PCDH15: variants seen among roughly 807,000 people sequenced by gnomAD.
PCDH15 encodes protocadherin-15.
PCDH15 carries 129 observed loss-of-function variants against 178.5 expected under a neutral mutation model. The ratio of observed to expected loss-of-function variants is 0.72; its 90% confidence interval spans 0.63 to 0.84. The LOEUF is 0.84. Ranked by LOEUF, PCDH15 falls within the 40% of genes least tolerant of loss-of-function variation. The pLI is 0.00. For missense variants in PCDH15, 2,230 were observed against 2,099.9 expected (o/e 1.06, Z -1.21); for synonymous variants, 800 against 732.0 (o/e 1.09, Z -1.50).
intron 1 of PCDH15, among the ~76,000 whole-genome samples, chr10:55,313,095 A>C (rs948449183): frequency 4.6e-5 from 7 of 152,136 alleles, no homozygotes; most frequent in African/African-American, 1.7e-4. Flanking sequence ...GTCCCCATAG[A>C]ACTTCTATTT....
At chr10:54,683,936 C>T (rs1456311795) in intron 1 of PCDH15, among the ~76,000 whole-genome samples, 2 of 151,806 alleles carry the variant, frequency 1.3e-5, no homozygotes, top group Non-Finnish European at 2.9e-5. Context: ...TATAGCATAG[C>T]ACAAGACAGA....
rs1407210439 is a variant in PCDH15, at chr10:55,345,509, T to TGAA, written c.-155-178859_-155-178858insTTC. Reference sequence around the variant, plus strand: ...TTGAACTATGGCAATTCCTCCACCCTCTTGTCGGTCCTGTACTCTATAAAT... The same window carrying TGAA: ...TTGAACTATGGCAATTCCTCCACCCTGAACTTGTCGGTCCTGTACTCTATAAAT... On this transcript the variant is annotated intron_variant, in intron 2 of 5. Coordinates refer to the PCDH15 transcript ENST00000613346. Among the ~76,000 whole-genome samples the TGAA allele has an allele frequency of 2.6e-5, 4 of 152,042 alleles. No homozygotes were observed. In the East Asian group the frequency reaches 7.7e-4, roughly 29 times the overall value.
At chr10:53,872,851 T>C (rs1241299635) in intron 26 of PCDH15, among the ~76,000 whole-genome samples, 8 of 152,186 alleles carry the variant, frequency 5.3e-5, no homozygotes, top group Non-Finnish European at 1.0e-4. Context: ...CAGCTTTTCA[T>C]CACATAACTA....
chr10:54,599,733 GGAA>G (rs1322840417), intron 2 of PCDH15: 30 of 470,302 alleles, frequency 6.4e-5, no homozygotes, highest in Middle Eastern at 1.0e-3. Flanking sequence ...AAGGGGAAAA[GGAA>G]GAAGAAGAGG....
chr10:54,057,695 C>A (rs963625253), intron 18 of PCDH15, among the ~76,000 whole-genome samples: 1 of 151,878 alleles, frequency 6.6e-6, no homozygotes, highest in Non-Finnish European at 1.5e-5. Flanking sequence ...GCATTTGGCT[C>A]CTCCTTACTT....
chr10:53,964,675 C>A (rs2088801188), intron 21 of PCDH15, among the ~76,000 whole-genome samples: 1 of 151,942 alleles, frequency 6.6e-6, no homozygotes, highest in African/African-American at 2.4e-5. Flanking sequence ...ACTGCCAGTT[C>A]TGGGATAATA....
intron 2 of PCDH15, among the ~76,000 whole-genome samples, chr10:54,976,061 C>G (rs1171060446): frequency 6.6e-6 from 1 of 151,924 alleles, no homozygotes. Context: ...CAACTGGTTA[C>G]CTGGAATTGA....
At chr10:54,399,226 T>A (rs2135449000) in intron 3 of PCDH15, among the ~76,000 whole-genome samples, 1 of 152,082 alleles carries the variant, frequency 6.6e-6, no homozygotes, top group South Asian at 2.1e-4. Flanking sequence ...TGCAGACAAC[T>A]TTTGTAGGAC....
chr10:54,120,973 C>T (rs940405448), intron 15 of PCDH15, among the ~76,000 whole-genome samples: 5 of 151,810 alleles, frequency 3.3e-5, no homozygotes, highest in African/African-American at 4.8e-5. Context: ...TCCACCCATG[C>T]ACCACAGAAT....
At chr10:54,253,459 T>C (rs2132134819) in intron 8 of PCDH15, among the ~76,000 whole-genome samples, 1 of 152,138 alleles carries the variant, frequency 6.6e-6, no homozygotes, top group African/African-American at 2.4e-5. Flanking sequence ...GTGACAACAG[T>C]GAGTTATATA....
chr10:54,048,833 G>A (rs1222366334), intron 18 of PCDH15, among the ~76,000 whole-genome samples: 6 of 151,718 alleles, frequency 4.0e-5, no homozygotes, highest in South Asian at 2.1e-4. Flanking sequence ...GCTTAAGATC[G>A]CTTTGGCTAT....
upstream of PCDH15, among the ~76,000 whole-genome samples, chr10:55,322,889 T>G (rs1039369975): frequency 3.3e-5 from 5 of 151,910 alleles, no homozygotes; most frequent in Admixed American, 1.3e-4. Flanking sequence ...ATAGGGAAAA[T>G]GTCTCTGGGG....
At chr10:54,218,770 AC>A (rs2052392111) in intron 9 of PCDH15, among the ~76,000 whole-genome samples, 2 of 152,202 alleles carry the variant, frequency 1.3e-5, no homozygotes, top group South Asian at 2.1e-4. Context: ...AAAGAAACAA[AC>A]AAAATATGTT....
intron 6 of PCDH15, among the ~76,000 whole-genome samples, chr10:54,336,702 C>T (rs1436603554): frequency 6.6e-6 from 1 of 152,220 alleles, no homozygotes; most frequent in Non-Finnish European, 1.5e-5. Flanking sequence ...GCAGGGCCCT[C>T]ATGGAGAACC....
intron 15 of PCDH15, among the ~76,000 whole-genome samples, chr10:54,091,240 A>AG (rs932693787): frequency 1.5e-4 from 23 of 152,278 alleles, no homozygotes; most frequent in Admixed American, 8.5e-4. Context: ...ATGATGCTAC[A>AG]GGGGGGGATA....
chr10:55,338,694 G>A (rs1844467253), intron 2 of PCDH15, among the ~76,000 whole-genome samples: 1 of 152,106 alleles, frequency 6.6e-6, no homozygotes, highest in Non-Finnish European at 1.5e-5. Context: ...CTTGGACCCA[G>A]GAGGGAGATG....
intron 8 of PCDH15, among the ~76,000 whole-genome samples, chr10:54,280,056 T>C (rs1436402780): frequency 6.6e-6 from 1 of 151,628 alleles, no homozygotes; most frequent in Non-Finnish European, 1.5e-5. Context: ...ATGCTGAAAA[T>C]GGGTTCAAAC....
chr10:55,016,109 A>G (rs1038044080), intron 2 of PCDH15, among the ~76,000 whole-genome samples: 3 of 151,448 alleles, frequency 2.0e-5, no homozygotes, highest in Non-Finnish European at 4.4e-5. Context: ...AAAAAAAAAA[A>G]AAAAAAAAAA....
At chr10:53,976,080 T>C (rs2090158679) in intron 21 of PCDH15, among the ~76,000 whole-genome samples, 1 of 152,172 alleles carries the variant, frequency 6.6e-6, no homozygotes, top group African/African-American at 2.4e-5. Context: ...TGGTTGCAGG[T>C]GTGTGACTTT....
Sources: gnomAD v4.1 joint callset for allele counts (sites outside exome capture counted in the v4.1 genomes callset) on GRCh38, gnomAD v4.1.1 for gene constraint, MANE v1.5 for transcripts, NCBI Gene and HGNC (gene_info 2026-07-23, HGNC 2026-07-21) for gene names.